TENM3: variants seen among roughly 807,000 people sequenced by gnomAD.
The protein encoded by TENM3 is teneurin transmembrane protein 3, also known as teneurin-3.
A neutral mutation model predicts 255.1 loss-of-function variants in TENM3; 63 were observed. The ratio of observed to expected loss-of-function variants is 0.25; its 90% confidence interval spans 0.20 to 0.30. TENM3 has a LOEUF of 0.30. Ranked by LOEUF, TENM3 falls within the 10% of genes least tolerant of loss-of-function variation. TENM3 has a pLI of 1.00. For missense variants in TENM3, 2,929 were observed against 3,461.1 expected (o/e 0.85, Z 3.86); for synonymous variants, 1,306 against 1,322.3 (o/e 0.99, Z 0.27).
the TENM3 span, among the ~76,000 whole-genome samples, chr4:181,707,235 C>T: frequency 1.0e-3 from 157 of 152,218 alleles, no homozygotes; most frequent in Middle Eastern, 3.4e-3. Context: ...CAAAACAAAA[C>T]GAATACACTG....
At chr4:182,738,210 A>G (rs937639431) in intron 17 of TENM3, among the ~76,000 whole-genome samples, 191 bp from the exon 18 acceptor site, 2 of 152,168 alleles carry the variant, frequency 1.3e-5, no homozygotes, top group Non-Finnish European at 2.9e-5. Flanking sequence ...GGAAAATAAT[A>G]TTTGGAGATC....
chr4:182,313,517 A>T (rs1433761105), intron 1 of TENM3, among the ~76,000 whole-genome samples: 1 of 152,230 alleles, frequency 6.6e-6, no homozygotes, highest in East Asian at 1.9e-4. Flanking sequence ...ATATACACAC[A>T]TGTTCATATA....
the TENM3 span, among the ~76,000 whole-genome samples, chr4:181,598,555 GA>G: frequency 6.6e-6 from 1 of 151,844 alleles, no homozygotes; most frequent in Non-Finnish European, 1.5e-5. Flanking sequence ...GGGACACAAT[GA>G]AAAGATATTT....
At chr4:182,588,518 G>A (rs966496864) in intron 3 of TENM3, among the ~76,000 whole-genome samples, 9 of 151,890 alleles carry the variant, frequency 5.9e-5, no homozygotes, top group East Asian at 3.9e-4. Flanking sequence ...TCACTAAAAC[G>A]AAATGCTCAT....
intron 22 of TENM3, among the ~76,000 whole-genome samples, chr4:182,760,565 A>ACCT (rs1763104133): frequency 6.6e-6 from 1 of 152,006 alleles, no homozygotes; most frequent in Non-Finnish European, 1.5e-5. Context: ...AAATCTTGGG[A>ACCT]CTTTGAATAT....
At chr4:182,160,916 T>C (rs2149628759) in intron 1 of TENM3, among the ~76,000 whole-genome samples, 1 of 40,386 alleles carries the variant, frequency 2.5e-5, no homozygotes, top group African/African-American at 7.6e-5. Flanking sequence ...TACATGTGGA[T>C]TGAGAAATTA....
chr4:181,665,591 TG>T, the TENM3 span, among the ~76,000 whole-genome samples: 1 of 152,052 alleles, frequency 6.6e-6, no homozygotes, highest in South Asian at 2.1e-4. Flanking sequence ...TTTACATGTA[TG>T]TTTATATAAG....
the TENM3 span, among the ~76,000 whole-genome samples, chr4:182,114,511 A>G: frequency 2.0e-5 from 3 of 151,970 alleles, no homozygotes; most frequent in East Asian, 5.8e-4. Flanking sequence ...CCATACCATT[A>G]CATTTCAGAT....
the TENM3 span, among the ~76,000 whole-genome samples, chr4:181,845,172 C>T: frequency 6.6e-6 from 1 of 152,224 alleles, no homozygotes; most frequent in East Asian, 1.9e-4. Context: ...GAAATTTTTT[C>T]TATCCTTTTC....
intron 4 of TENM3, among the ~76,000 whole-genome samples, chr4:182,624,059 C>T (rs1424058192): frequency 6.6e-6 from 1 of 151,980 alleles, no homozygotes; most frequent in Non-Finnish European, 1.5e-5. Flanking sequence ...TGCTCTCAGG[C>T]CCCTTGGATA....
At position 182,628,725 on chromosome 4, in the gene TENM3, C is replaced by G. The variant is rs868349421; in HGVS notation, c.824C>G (p.Ser275Cys). 6.2e-7 allele frequency: 1 copy of G among 1,609,120 alleles called. No individual in the cohort carries two copies. Among genetic ancestry groups the G allele is most frequent in the African/African-American group, 1.3e-5 (1 of 74,832 alleles). The change falls in exon 5 of 28, where the codon TCT becomes TGT. Residue 275 changes from serine (S) to cysteine (C), a missense_variant. Ser to Cys is a moderately radical substitution (Grantham distance 112). This residue lies in a region of TENM3 where 1,608 missense variants were observed against 1,884.4 expected (regional missense o/e 0.85). Transcript: ENST00000511685. ...GCAACCCCAGGATACACAATGGCAT[C>G]TGGCTCTGTTTATTCACCACCTACT... Reference protein sequence around the residue: ...STATPGYTMASGSVYSPPTRP... With the variant: ...STATPGYTMACGSVYSPPTRP...
At chr4:182,351,027 A>G (rs928325273) in intron 3 of TENM3, among the ~76,000 whole-genome samples, 2 of 152,102 alleles carry the variant, frequency 1.3e-5, no homozygotes, top group African/African-American at 2.4e-5. Flanking sequence ...CCCACCACCC[A>G]GCTTTGCAAG....
chr4:182,035,182 T>C, the TENM3 span, among the ~76,000 whole-genome samples: 1 of 152,228 alleles, frequency 6.6e-6, no homozygotes, highest in Non-Finnish European at 1.5e-5. Flanking sequence ...TCAGAAATAA[T>C]TCAAAGTTTG....
chr4:182,008,696 T>C, the TENM3 span, among the ~76,000 whole-genome samples: 4 of 152,102 alleles, frequency 2.6e-5, no homozygotes, highest in South Asian at 2.1e-4. Flanking sequence ...CATAGTTTTT[T>C]ATTACCCATC....
At chr4:182,564,473 A>T (rs1175253248) in intron 3 of TENM3, among the ~76,000 whole-genome samples, 1 of 152,032 alleles carries the variant, frequency 6.6e-6, no homozygotes. Context: ...CTTTCAACAA[A>T]TATGAGACTA....
At chr4:182,091,796 C>T in the TENM3 span, among the ~76,000 whole-genome samples, 2 of 152,126 alleles carry the variant, frequency 1.3e-5, no homozygotes, top group Non-Finnish European at 2.9e-5. Context: ...TTCACGGGAG[C>T]GTGAGAAATG....
At chr4:181,966,931 G>A in the TENM3 span, among the ~76,000 whole-genome samples, 1 of 151,944 alleles carries the variant, frequency 6.6e-6, no homozygotes, top group African/African-American at 2.4e-5. Context: ...AATGCCATAT[G>A]AAGACAATCT....
At chr4:182,219,090 C>T (rs1355613946) in intron 1 of TENM3, among the ~76,000 whole-genome samples, 4 of 152,026 alleles carry the variant, frequency 2.6e-5, no homozygotes, top group Admixed American at 6.5e-5. Flanking sequence ...GGCGTGGTGG[C>T]GGGCACCTGT....
intron 3 of TENM3, among the ~76,000 whole-genome samples, chr4:182,481,283 G>A (rs370412744): frequency 1.6e-4 from 24 of 151,994 alleles, no homozygotes; most frequent in African/African-American, 5.6e-4. Context: ...AAGTTAAATC[G>A]CTTTTCTTTA....
Sources: allele counts gnomAD v4.1 joint callset (sites outside exome capture counted in the v4.1 genomes callset), GRCh38; gene constraint gnomAD v4.1.1; regional missense constraint gnomAD v4.1.1; transcripts MANE v1.5; gene names NCBI Gene and HGNC (gene_info 2026-07-23, HGNC 2026-07-21).